STARD8: variants seen among roughly 807,000 people sequenced by gnomAD.
STARD8 encodes stAR-related lipid transfer protein 8.
Under a neutral mutation model 69.4 loss-of-function variants are expected in STARD8, and 25 were observed. The ratio of observed to expected loss-of-function variants is 0.36; its 90% CI spans 0.26 to 0.50. The LOEUF (loss-of-function observed/expected upper bound fraction) is 0.50, where lower values mean the gene tolerates loss of function less well. STARD8 is among the 20% of genes least tolerant of loss of function. The pLI is 0.96. For missense variants in STARD8, 921 were observed against 932.5 expected (o/e 0.99, Z 0.16); for synonymous variants, 389 against 374.6 (o/e 1.04, Z -0.45).
intron 2 of STARD8, among the ~76,000 whole-genome samples, chrX:68,668,236 C>CTCTTTCTTTCTTTCTTTCTTTCTTTCTT (rs778005383): frequency 4.1e-5 from 3 of 73,211 alleles, no homozygotes; most frequent in Non-Finnish European, 7.3e-5. Context: ...CTTTTTTCTC[C>CTCTTTCTTTCTTTCTTTCTTTCTTTCTT]TCTTTCTTTC....
intron 2 of STARD8, among the ~76,000 whole-genome samples, chrX:68,674,661 G>A (rs1165121193): frequency 1.8e-5 from 2 of 111,494 alleles, no homozygotes; most frequent in African/African-American, 3.3e-5. Context: ...TTAGAGTGGT[G>A]GAAAGAATAC....
At chrX:68,666,275 T>C (rs2079682660) in intron 2 of STARD8, among the ~76,000 whole-genome samples, 1 of 112,356 alleles carries the variant, frequency 8.9e-6, no homozygotes, top group Non-Finnish European at 1.9e-5. Context: ...TGGGCTTTGC[T>C]AAGGTCATCG....
At chrX:68,715,664 T>C (rs755772001) in intron 4 of STARD8, among the ~76,000 whole-genome samples, 2 of 112,054 alleles carry the variant, frequency 1.8e-5, no homozygotes, top group Admixed American at 1.9e-4. Context: ...GCTTGGCCCT[T>C]GTTTGAGGCC....
chrX:68,718,038 A>T lies in STARD8; in HGVS notation c.1124A>T (p.Asp375Val). ...GTAATGGTTGGGGCTGAGGCTGAAG[A>T]TGAAGATGATGAGGAGAGTGGGGGC... The part of the protein sequence containing the change: ...EPVMVGAEAE[D>V]EDDEESGGSY... The change falls in exon 6 of 15, where the codon GAT (aspartate) becomes GTT (valine). Residue 375 changes from aspartate (D) to valine (V), a missense_variant. Physicochemically the swap from Asp to Val is radical, Grantham distance 152 (BLOSUM62 -3). Transcript: ENST00000374599. 1 of 1,210,506 alleles carries T rather than the reference A, an allele frequency of 8.3e-7. No homozygotes were observed. Among genetic ancestry groups the T allele is most frequent in the South Asian group, 1.8e-5 (1 of 56,704 alleles).
chrX:68,652,933 A>C (rs1229111126), intron 1 of STARD8, among the ~76,000 whole-genome samples: 3 of 41,035 alleles, frequency 7.3e-5, no homozygotes, highest in Non-Finnish European at 8.6e-5. Context: ...CATCACACAC[A>C]CCACACACAC....
At chrX:68,710,341 C>T (rs2080040235) in intron 2 of STARD8, among the ~76,000 whole-genome samples, 1 of 112,400 alleles carries the variant, frequency 8.9e-6, no homozygotes, top group African/African-American at 3.2e-5. Flanking sequence ...TTCTTATGTG[C>T]ATCCAGGGGT....
rs2080169692 is a variant in STARD8, at chrX:68,723,551, G to A, written c.2800-75G>A. On this transcript the variant is annotated intron_variant, in intron 12 of 14. Transcript: ENST00000374599. Reference sequence around the variant, plus strand: ...TTAAGCCTCAGGCCCTGCAGTTTGAGGCCTGGACTTAGGGCTGGAGTCAGA... The same window carrying A: ...TTAAGCCTCAGGCCCTGCAGTTTGAAGCCTGGACTTAGGGCTGGAGTCAGA... 6.5e-6 allele frequency: 6 copies of A among 928,702 alleles called. No individual in the cohort carries two copies. The South Asian group carries it at 7.3e-5, about 11-fold the overall frequency. The allele number at this position is 928,702 out of a possible 1,213,427, so 76.5% of individuals were successfully genotyped here. A position where few individuals can be genotyped will look rare whatever the true frequency, so the allele number is the denominator to read the frequency against.
chrX:68,721,593 A>G lies in STARD8; in HGVS notation c.2306A>G (p.Asp769Gly). Reference sequence around the variant, plus strand: ...CAAGCCGCCACCTTGCTGCTCCCCGATGAGAACCGAGAGGTGCTACAGACC... The same window carrying G: ...CAAGCCGCCACCTTGCTGCTCCCCGGTGAGAACCGAGAGGTGCTACAGACC... ...AAQAATLLLPDENREVLQTLL... is the reference protein window; with the variant it reads ...AAQAATLLLPGENREVLQTLL... The change falls in exon 10 of 15, where the codon GAT becomes GGT. Residue 769 changes from aspartate to glycine, a missense_variant. By Grantham distance (94) the Asp-to-Gly change is moderately conservative. Coordinates refer to ENST00000374599, the MANE Select transcript of STARD8 (RefSeq NM_001142503.3). 8.3e-7 allele frequency: 1 copy of G among 1,211,874 alleles called. No individual in the cohort carries two copies. The highest frequency in any genetic ancestry group is 1.1e-6 in the Non-Finnish European group (1 of 895,564).
In STARD8 at chrX:68,717,517, G is replaced by A; in HGVS notation, c.603G>A (p.Lys201=). 8.3e-7 allele frequency: 1 copy of A among 1,210,936 alleles called. No individual in the cohort carries two copies. The highest frequency in any genetic ancestry group is 1.1e-6 in the Non-Finnish European group (1 of 895,584). Residue 201 remains lysine (K), a synonymous_variant, in exon 6 of 15, where the codon AAG becomes AAA. Transcript: ENST00000374599. ...QGQEGPQDKA[K]KRHRNRSFLK... ...AGGAGGGTCCCCAGGACAAAGCCAA[G>A]AAGCGCCATCGTAACCGTAGCTTCC... is the stretch of plus-strand genomic sequence containing the variant.
chrX:68,657,089 A>G (rs1368151341), intron 1 of STARD8, among the ~76,000 whole-genome samples: 1 of 112,057 alleles, frequency 8.9e-6, no homozygotes, highest in Non-Finnish European at 1.9e-5. Flanking sequence ...CCCAACTTAC[A>G]TGGTTATTAT....
chrX:68,696,930 T>C (rs898919810), intron 2 of STARD8, among the ~76,000 whole-genome samples: 2 of 111,038 alleles, frequency 1.8e-5, no homozygotes, highest in African/African-American at 6.6e-5. Flanking sequence ...AAAATTATTG[T>C]GAATAATTTC....
chrX:68,722,733 G>A lies in STARD8; in HGVS notation c.2799+87G>A, dbSNP rs988825978. The A allele has an allele frequency of 3.1e-5, 29 of 949,007 alleles. No individual in the cohort carries two copies. In the African/African-American group the frequency reaches 3.1e-4, roughly 10 times the overall value. The allele number at this position is 949,007 out of a possible 1,213,427, so 78.2% of individuals were successfully genotyped here. ...GTCAGAGAACCCAAAGGAAGGAGCC[G>A]GGGAGGAGCTGCCGCCTGAGTCTCG... On this transcript the variant is annotated intron_variant, in intron 12 of 14. Transcript: ENST00000374599.
intron 2 of STARD8, among the ~76,000 whole-genome samples, chrX:68,700,503 G>T (rs1215335134): frequency 8.9e-6 from 1 of 112,584 alleles, no homozygotes; most frequent in African/African-American, 3.2e-5. Context: ...CTGCAACTCT[G>T]TTCCTGTGAG....
rs150929597 is a variant in STARD8 at position 68,662,190 on chromosome X, G to A, written c.46-3309G>A. On this transcript the variant is annotated intron_variant, in intron 1 of 14. Coordinates refer to ENST00000374599, the MANE Select transcript of STARD8 (RefSeq NM_001142503.3). Reference sequence around the variant, plus strand: ...GCCCAGCTAATTTTTTGTATTTTTAGTAGAGACAGGGTTTTTCTATGTTGG... The same window carrying A: ...GCCCAGCTAATTTTTTGTATTTTTAATAGAGACAGGGTTTTTCTATGTTGG... Among the ~76,000 whole-genome samples, 754 of 109,173 alleles carry A rather than the reference G, an allele frequency of 6.9e-3. 2 individuals carry two copies. Among genetic ancestry groups the A allele is most frequent in the Non-Finnish European group, 0.011 (591 of 52,547 alleles). 94.8% of individuals were successfully genotyped at this position (109,173 alleles called of 115,157 possible).
At chrX:68,652,856 A>C (rs1602533660) in intron 1 of STARD8, among the ~76,000 whole-genome samples, 3 of 14,087 alleles carry the variant, frequency 2.1e-4, no homozygotes, top group African/African-American at 6.0e-4. Context: ...CACACACCAC[A>C]CCACACACAC....
intron 2 of STARD8, among the ~76,000 whole-genome samples, chrX:68,698,256 A>C (rs1366015496): frequency 9.0e-6 from 1 of 111,172 alleles, no homozygotes; most frequent in Non-Finnish European, 1.9e-5. Context: ...GGGGATTTGG[A>C]TGGGCAGTGG....
chrX:68,722,169 A>G lies in STARD8; in HGVS notation c.2574+8A>G. ...TGCAAGAAACTTTTCCAGGTGAGTA[A>G]CCCCAGGCCATGACACCTACTTACC... On this transcript the variant is annotated splice_region_variant and intron_variant, in intron 11 of 14. Transcript: ENST00000374599. The G allele has an allele frequency of 8.5e-7, 1 of 1,183,034 alleles. No individual in the cohort carries two copies. Among genetic ancestry groups the G allele is most frequent in the Non-Finnish European group, 1.1e-6 (1 of 874,017 alleles).
rs750720406 is a variant in STARD8 at position 68,723,861 on chromosome X, C to CT, written c.3017+19dup. On this transcript the variant is annotated intron_variant, in intron 13 of 14. Coordinates refer to ENST00000374599, the MANE Select transcript of STARD8 (RefSeq NM_001142503.3). ...GTGCTTCGGTGAGGGGCTGCAGCTGCTACCCTTCTGTGCTTGGGGGGCCGG... is the reference window on the plus strand; with the variant it reads ...GTGCTTCGGTGAGGGGCTGCAGCTGCTTACCCTTCTGTGCTTGGGGGGCCGG... The CT allele has an allele frequency of 1.6e-5, 19 of 1,203,861 alleles. No individual in the cohort carries two copies. Among genetic ancestry groups the CT allele is most frequent in the Non-Finnish European group, 3.4e-6 (3 of 891,670 alleles).
chrX:68,672,718 A>C (rs5902631), intron 2 of STARD8, among the ~76,000 whole-genome samples: 34,441 of 104,505 alleles, frequency 0.33, 6,469 homozygotes, highest in African/African-American at 0.75. Context: ...ACAGCGCCCC[A>C]CCCCCCATGG....
Sources: allele counts gnomAD v4.1 joint callset (sites outside exome capture counted in the v4.1 genomes callset), GRCh38; gene constraint gnomAD v4.1.1; transcripts MANE v1.5; gene names NCBI Gene and HGNC (gene_info 2026-07-23, HGNC 2026-07-21).